Variants in CATSPERD observed in about 807,000 individuals in gnomAD.
CATSPERD encodes the protein cation channel sperm-associated auxiliary subunit delta.
In CATSPERD, 86 loss-of-function variants were observed where a neutral mutation model predicts 98.1. The ratio of observed to expected loss-of-function variants is 0.88; its 90% CI spans 0.74 to 1.05. The LOEUF (loss-of-function observed/expected upper bound fraction) is 1.05. Among genes scored for constraint, CATSPERD ranks in the 50% least tolerant of loss-of-function variants. The probability of loss-of-function intolerance (pLI) is 0.00; values close to 1 mark genes in which losing one functional copy is unlikely to be tolerated. For missense variants in CATSPERD, 995 were observed against 1,005.7 expected (o/e 0.99, Z 0.14); for synonymous variants, 394 against 390.2 (o/e 1.01, Z -0.12).
chr19:5,753,258 C>T (rs1041379363), intron 12 of CATSPERD, among the ~76,000 whole-genome samples: 8 of 151,928 alleles, frequency 5.3e-5, no homozygotes, highest in African/African-American at 1.9e-4. Context: ...GGCAGCTCTA[C>T]TCTAAAGAAA....
intron 9 of CATSPERD, among the ~76,000 whole-genome samples, chr19:5,746,776 G>C (rs117186710): frequency 2.0e-5 from 3 of 150,974 alleles, no homozygotes; most frequent in Non-Finnish European, 2.9e-5. Context: ...ATTCCTGGGA[G>C]ACTTTAGTTC....
chr19:5,740,762 C>CAA (rs59937872), intron 7 of CATSPERD, among the ~76,000 whole-genome samples: 453 of 34,240 alleles, frequency 0.013, 1 homozygote, highest in Non-Finnish European at 0.019. Flanking sequence ...AACTCCGTCT[C>CAA]AAAAAAAAAA....
chr19:5,757,780 G>T, intron 13 of CATSPERD, 63 bp from the exon 14 acceptor site: 1 of 1,283,354 alleles, frequency 7.8e-7, no homozygotes, highest in Non-Finnish European at 1.1e-6. Flanking sequence ...TCACTGTGGG[G>T]GTTTGTCACC....
In CATSPERD at chr19:5,733,918, T is replaced by A; in HGVS notation, c.339T>A (p.Asp113Glu). ...GTTCGTTATTGCTGTTAGTAGTGGA[T>A]CAAAAAGTCTATATTTATGATTATG... Reference protein sequence around the residue: ...FAGSLLLLVVDQKVYIYDYEN... With the variant: ...FAGSLLLLVVEQKVYIYDYEN... The change falls in exon 5 of 22, where the codon GAT (aspartate) becomes GAA (glutamate). Residue 113 changes from aspartate (D) to glutamate (E), a missense_variant. Physicochemically the swap from Asp to Glu is conservative, Grantham distance 45. Around this residue, in one of 3 missense-constraint regions of CATSPERD, gnomAD observed 228 missense variants for 209.6 expected, o/e 1.09. Transcript: ENST00000381624. The A allele has an allele frequency of 6.2e-7, 1 of 1,612,188 alleles. No individual in the cohort carries two copies. The highest frequency in any genetic ancestry group is 8.5e-7 in the Non-Finnish European group (1 of 1,179,402).
Position 5,737,016 on chromosome 19 carries a change from C to T in CATSPERD, c.392-122C>T, listed in dbSNP as rs956495087. The stretch of plus-strand genomic sequence containing the variant: ...AGCTTGCAGTGAGCCAGGATCACGC[C>T]ACTGCACTTCAGCCTGGGCGACAGA... On this transcript the variant is annotated intron_variant, in intron 5 of 21. Coordinates refer to ENST00000381624, the MANE Select transcript of CATSPERD (RefSeq NM_152784.4). 5.4e-6 allele frequency: 3 copies of T among 553,316 alleles called. No individual in the cohort carries two copies. In the African/African-American group the frequency reaches 5.7e-5, roughly 11 times the overall value. 34.3% of individuals were successfully genotyped at this position (553,316 alleles called of 1,614,324 possible). A position where few individuals can be genotyped will look rare whatever the true frequency, so the allele number is the denominator to read the frequency against.
intron 7 of CATSPERD, among the ~76,000 whole-genome samples, chr19:5,741,301 C>T (rs545253650): frequency 5.2e-4 from 79 of 152,096 alleles, no homozygotes; most frequent in Admixed American, 9.2e-4. Flanking sequence ...ATTTTTGCTG[C>T]TGTAACAAAA....
At chr19:5,724,622 C>G (rs968821189) in intron 1 of CATSPERD, among the ~76,000 whole-genome samples, 186 bp from the exon 2 acceptor site, 1 of 152,186 alleles carries the variant, frequency 6.6e-6, no homozygotes, top group Non-Finnish European at 1.5e-5. Context: ...ACACTTGAAT[C>G]TGGGAGGCGG....
At chr19:5,727,046 C>A (rs1019501129) in intron 2 of CATSPERD, among the ~76,000 whole-genome samples, 10 of 152,074 alleles carry the variant, frequency 6.6e-5, no homozygotes, top group African/African-American at 2.4e-4. Flanking sequence ...ATAGAAAAAA[C>A]CAGCCGGGCA....
chr19:5,753,997 T>C, intron 12 of CATSPERD, 135 bp from the exon 13 acceptor site: 2 of 676,358 alleles, frequency 3.0e-6, no homozygotes, highest in South Asian at 1.7e-5. Flanking sequence ...ATACAGAGTC[T>C]AGTGGGGAAG....
In CATSPERD at chr19:5,757,141, T is replaced by C. The variant is rs890697572; in HGVS notation, c.1279-702T>C. Among the ~76,000 whole-genome samples, 3 of 150,890 alleles carry C rather than the reference T, an allele frequency of 2.0e-5. 1 individual carries two copies. The highest frequency in any genetic ancestry group is 4.2e-4 in the South Asian group (2 of 4,770). ...GGCGCATGCCTGTAATCCCAACTAC[T>C]TGGGAGGCTGAAGTAAGAGAATCAC... On this transcript the variant is annotated intron_variant, in intron 13 of 21. Transcript: ENST00000381624.
At chr19:5,768,582 CA>C (rs1433678721) in intron 18 of CATSPERD, among the ~76,000 whole-genome samples, 2 of 151,772 alleles carry the variant, frequency 1.3e-5, no homozygotes, top group Non-Finnish European at 2.9e-5. Flanking sequence ...GTGATCCGCC[CA>C]CCTCAGCCTC....
rs760653743 is a variant in CATSPERD, at chr19:5,770,977, G to A, written c.1668G>A (p.Gln556=). The A allele has an allele frequency of 6.2e-7, 1 of 1,613,442 alleles. No individual in the cohort carries two copies. The highest frequency in any genetic ancestry group is 2.2e-5 in the East Asian group (1 of 44,852). The change falls in exon 19 of 22, where the codon CAG becomes CAA. Residue 556 remains glutamine, a synonymous_variant. Transcript: ENST00000381624. ...ACGACCCCGGCTTCCAGGGGCAGCA[G>A]TCCTCCGAGGACCTGCACGTGTTTT... The part of the protein sequence containing the change: ...EFYDPGFQGQ[Q]SSEDLHVFYS...
chr19:5,744,794 T>C (rs2056064749), intron 8 of CATSPERD, among the ~76,000 whole-genome samples: 2 of 151,938 alleles, frequency 1.3e-5, no homozygotes, highest in African/African-American at 2.4e-5. Flanking sequence ...AGAGATAGGG[T>C]TTCACCATGT....
Position 5,737,782 on chromosome 19 carries a change from G to A in CATSPERD, c.459+577G>A, listed in dbSNP as rs1414639605. On this transcript the variant is annotated intron_variant, in intron 6 of 21. Transcript: ENST00000381624. ...GGAGAATCCCTTGAGCCTGGGAGGCGGAGGCTGCAGCGAGCTGAGATTGCA... is the reference window on the plus strand; with the variant it reads ...GGAGAATCCCTTGAGCCTGGGAGGCAGAGGCTGCAGCGAGCTGAGATTGCA... Among the ~76,000 whole-genome samples, 5 of 150,620 alleles carry A rather than the reference G, an allele frequency of 3.3e-5. No individual in the cohort carries two copies. The East Asian group carries it at 7.9e-4, about 24-fold the overall frequency.
rs2056774790 is a variant in CATSPERD at position 5,778,587 on chromosome 19, T to C, written c.2308T>C (p.Cys770Arg). ...TQLCRRCKTV[C>R]QFRASATARA... The stretch of plus-strand genomic sequence containing the variant: ...GCTGTGTAGGAGATGCAAGACGGTC[T>C]GCCAGTTCAGGGCCTCAGCCACAGC... Residue 770 changes from cysteine to arginine, a missense_variant, in exon 22 of 22, where the codon TGC (cysteine) becomes CGC (arginine). This residue lies in a region of CATSPERD where 762 missense variants were observed against 773.7 expected (regional missense o/e 0.98). Coordinates refer to ENST00000381624, the MANE Select transcript of CATSPERD (RefSeq NM_152784.4). 2 of 1,613,820 alleles carry C rather than the reference T, an allele frequency of 1.2e-6. No homozygotes were observed. Among genetic ancestry groups the C allele is most frequent in the Non-Finnish European group, 1.7e-6 (2 of 1,180,020 alleles).
chr19:5,762,058 A>ATTTTTTTTT (rs869295948), intron 15 of CATSPERD, among the ~76,000 whole-genome samples: 9 of 10,436 alleles, frequency 8.6e-4, no homozygotes, highest in Admixed American at 1.4e-3. Flanking sequence ...ATATATATAT[A>ATTTTTTTTT]TTTTTTTTTT....
rs762193463 is a variant in CATSPERD at position 5,772,813 on chromosome 19, G to A, written c.1789G>A (p.Val597Ile). 1.9e-6 allele frequency: 3 copies of A among 1,613,900 alleles called. No individual in the cohort carries two copies. Among genetic ancestry groups the A allele is most frequent in the East Asian group, 4.5e-5 (2 of 44,872 alleles). ...GTGGCGAAAAGACAGTTTCCAGGAG[G>A]TCATCGACGCCGAGTATGTGTTACT... ...ELWRKDSFQEVIDAEYVLLEV... is the reference protein window; with the variant it reads ...ELWRKDSFQEIIDAEYVLLEV... Residue 597 changes from valine (V) to isoleucine (I), a missense_variant, in exon 20 of 22, where the codon GTC becomes ATC. By Grantham distance (29) the Val-to-Ile change is conservative. This residue lies in a region of CATSPERD where 762 missense variants were observed against 773.7 expected (regional missense o/e 0.98). Coordinates refer to ENST00000381624, the MANE Select transcript of CATSPERD (RefSeq NM_152784.4).
intron 12 of CATSPERD, among the ~76,000 whole-genome samples, 183 bp downstream of exon 12, chr19:5,752,006 A>T (rs192588534): frequency 0.01 from 1,518 of 151,524 alleles, 18 homozygotes; most frequent in African/African-American, 0.035. Flanking sequence ...ACAAAAAAAA[A>T]TTTTTTTTTA....
At chr19:5,775,576 G>A (rs2056726285) in intron 20 of CATSPERD, among the ~76,000 whole-genome samples, 1 of 149,470 alleles carries the variant, frequency 6.7e-6, no homozygotes, top group Non-Finnish European at 1.5e-5. Context: ...ATGCATCCGG[G>A]AGGCAGAGCT....
Sources: allele counts gnomAD v4.1 joint callset (sites outside exome capture counted in the v4.1 genomes callset), GRCh38; gene constraint gnomAD v4.1.1; regional missense constraint gnomAD v4.1.1; transcripts MANE v1.5; gene names NCBI Gene and HGNC (gene_info 2026-07-23, HGNC 2026-07-21).